PCDHGA3: variants seen among roughly 807,000 people sequenced by gnomAD.
PCDHGA3 encodes protocadherin gamma subfamily A, 3, also known as protocadherin gamma-A3.
Under a neutral mutation model 58.5 loss-of-function variants are expected in PCDHGA3, and 40 were observed. The observed-to-expected ratio is 0.68, with a 90% CI of 0.53 to 0.89. The LOEUF is 0.89. Among genes scored for constraint, PCDHGA3 ranks in the 40% least tolerant of loss-of-function variants. The pLI is 0.00. For synonymous variants in PCDHGA3, 530 were observed against 525.7 expected (o/e 1.01, Z -0.11); for missense variants, 1,223 against 1,195.9 (o/e 1.02, Z -0.33).
intron 1 of PCDHGA3, chr5:141,383,856 T>C (rs1307177086): frequency 6.2e-7 from 1 of 1,613,964 alleles, no homozygotes; most frequent in Admixed American, 1.7e-5. Flanking sequence ...AAATGGAGGT[T>C]CAGGCTCAAG....
chr5:141,382,128 C>T (rs1777984217), intron 1 of PCDHGA3, among the ~76,000 whole-genome samples: 3 of 152,026 alleles, frequency 2.0e-5, no homozygotes. Context: ...GCACCTGGCC[C>T]CCCCTCTCAT....
At position 141,476,786 on chromosome 5, in the gene PCDHGA3, C is replaced by G. The variant is rs2099398607; in HGVS notation, c.2425-18021C>G. 3.1e-6 allele frequency: 5 copies of G among 1,613,444 alleles called. No individual in the cohort carries two copies. The highest frequency in any genetic ancestry group is 1.7e-5 in the Admixed American group (1 of 60,000). ...GGCGTTGGACGGAGGGACCCCAGCTCTCTCCGCCAGCCTGCCTATTCACAT... is the reference window on the plus strand; with the variant it reads ...GGCGTTGGACGGAGGGACCCCAGCTGTCTCCGCCAGCCTGCCTATTCACAT... On this transcript the variant is annotated intron_variant, in intron 1 of 3. Coordinates refer to ENST00000253812, the MANE Select transcript of PCDHGA3 (RefSeq NM_018916.4). The surrounding 1 kb of genome is among the most constrained non-coding windows in gnomAD (Gnocchi z 7.6).
In PCDHGA3 at chr5:141,399,495, T is replaced by G. The variant is rs779594817; in HGVS notation, c.2424+53038T>G. On this transcript the variant is annotated intron_variant, in intron 1 of 3. Transcript: ENST00000253812. ...TCCACCAGGCGTCCTACTTAGTCAGTGTACCCGAAAACAACCCTCCTGGGG... is the reference window on the plus strand; with the variant it reads ...TCCACCAGGCGTCCTACTTAGTCAGGGTACCCGAAAACAACCCTCCTGGGG... 1.1e-5 allele frequency: 18 copies of G among 1,613,916 alleles called. No individual in the cohort carries two copies. Among genetic ancestry groups the G allele is most frequent in the Non-Finnish European group, 1.5e-5 (18 of 1,179,912 alleles).
intron 1 of PCDHGA3, chr5:141,378,091 TC>T (rs1774623141): frequency 6.6e-6 from 1 of 152,230 alleles, no homozygotes; most frequent in African/African-American, 2.4e-5. Flanking sequence ...TAACTTTTTT[TC>T]AAACTCTAAA....
intron 2 of PCDHGA3, among the ~76,000 whole-genome samples, chr5:141,501,223 T>G (rs1247662371): frequency 6.6e-6 from 1 of 151,280 alleles, no homozygotes; most frequent in African/African-American, 2.4e-5. Flanking sequence ...CTTCCTAGAT[T>G]TCTCAGTTTT....
At position 141,485,698 on chromosome 5, in the gene PCDHGA3, T is replaced by C. The variant is rs1175015922; in HGVS notation, c.2425-9109T>C. ...TTAGCAGCTATAGGCTGAGCTCCAA[T>C]GAACACTTTGCACTGGATGTGAAGA... On this transcript the variant is annotated intron_variant, in intron 1 of 3. Transcript: ENST00000253812. This position sits in a 1 kb window ranked among gnomAD's most constrained non-coding sequence, Gnocchi z 5.7. 6.2e-7 allele frequency: 1 copy of C among 1,613,994 alleles called. No homozygotes were observed. The highest frequency in any genetic ancestry group is 8.5e-7 in the Non-Finnish European group (1 of 1,180,002).
chr5:141,494,943 G>A, intron 2 of PCDHGA3, 78 bp downstream of exon 2: 2 of 1,610,326 alleles, frequency 1.2e-6, no homozygotes, highest in Non-Finnish European at 1.7e-6. Flanking sequence ...ATGGGGGAGG[G>A]CCCAGCATTT....
chr5:141,389,560 G>T (rs1323439261), intron 1 of PCDHGA3: 5 of 1,613,224 alleles, frequency 3.1e-6, no homozygotes, highest in Non-Finnish European at 4.2e-6. Flanking sequence ...AATGCGCCAC[G>T]GGTGCTGTAC....
intron 1 of PCDHGA3, among the ~76,000 whole-genome samples, chr5:141,483,322 G>C (rs1325809962): frequency 1.3e-5 from 2 of 152,110 alleles, no homozygotes. Flanking sequence ...TGGGACTGGA[G>C]GCAAAGAGAT....
Position 141,431,794 on chromosome 5 carries a change from A to C in PCDHGA3, c.2425-63013A>C. On this transcript the variant is annotated intron_variant, in intron 1 of 3. Coordinates refer to ENST00000253812, the MANE Select transcript of PCDHGA3 (RefSeq NM_018916.4). The surrounding 1 kb of genome is among the most constrained non-coding windows in gnomAD (Gnocchi z 4.8). ...TTCTGGACGTGAACGACAATGCCCC[A>C]GAAGTGGTCCTCACCTCTCTCGCCA... 1 of 1,614,260 alleles carries C rather than the reference A, an allele frequency of 6.2e-7. No individual in the cohort carries two copies. Among genetic ancestry groups the C allele is most frequent in the Non-Finnish European group, 8.5e-7 (1 of 1,180,046 alleles).
At chr5:141,433,237 A>G in intron 1 of PCDHGA3, 1 of 1,495,940 alleles carries the variant, frequency 6.7e-7, no homozygotes, top group South Asian at 1.3e-5. Flanking sequence ...TCTGTCTCCC[A>G]AGCTGGAATG....
At chr5:141,361,751 C>T (rs1762164495) in intron 1 of PCDHGA3, 2 of 1,613,064 alleles carry the variant, frequency 1.2e-6, no homozygotes, top group African/African-American at 1.3e-5. Flanking sequence ...GACCAGGGCT[C>T]GCCCGCGCTC....
At chr5:141,411,489 T>C (rs1229059443) in intron 1 of PCDHGA3, 1 of 152,090 alleles carries the variant, frequency 6.6e-6, no homozygotes, top group Non-Finnish European at 1.5e-5. Context: ...GAGGCTGAGC[T>C]GGGTGGATTG....
chr5:141,490,605 C>A lies in PCDHGA3; in HGVS notation c.2425-4202C>A. On this transcript the variant is annotated intron_variant, in intron 1 of 3. Transcript: ENST00000253812. The surrounding 1 kb of genome is among the most constrained non-coding windows in gnomAD (Gnocchi z 5.4). ...TCAATGACAATGCACCCCGCTTCAA[C>A]CAGCAGCTTTACACTGCTTACATCC... 6.2e-6 allele frequency: 10 copies of A among 1,614,198 alleles called. No individual in the cohort carries two copies. The highest frequency in any genetic ancestry group is 8.5e-6 in the Non-Finnish European group (10 of 1,180,030).
chr5:141,369,402 C>A (rs1207187527), intron 1 of PCDHGA3, among the ~76,000 whole-genome samples: 2 of 152,072 alleles, frequency 1.3e-5, no homozygotes, highest in Non-Finnish European at 2.9e-5. Flanking sequence ...CAGGGTGGTT[C>A]ATGACTATAA....
intron 1 of PCDHGA3, chr5:141,417,651 A>G (rs2154547111): frequency 1.2e-6 from 1 of 822,038 alleles, no homozygotes; most frequent in Non-Finnish European, 1.8e-6. Flanking sequence ...CTCAGCCTCT[A>G]GCCTGGGATT....
At position 141,356,801 on chromosome 5, in the gene PCDHGA3, C is replaced by G. The variant is rs369350823; in HGVS notation, c.2424+10344C>G. Reference sequence around the variant, plus strand: ...AGAGACCTGCAGCTGCTGATGACAGCCAGTGACAGTGGAGACCCTCCACTC... The same window carrying G: ...AGAGACCTGCAGCTGCTGATGACAGGCAGTGACAGTGGAGACCCTCCACTC... On this transcript the variant is annotated intron_variant, in intron 1 of 3. Coordinates refer to ENST00000253812, the MANE Select transcript of PCDHGA3 (RefSeq NM_018916.4). The G allele has an allele frequency of 5.1e-5, 82 of 1,613,922 alleles. No homozygotes were observed. The highest frequency in any genetic ancestry group is 4.6e-4 in the South Asian group (42 of 91,084).
At chr5:141,445,420 T>C (rs968387442) in intron 1 of PCDHGA3, among the ~76,000 whole-genome samples, 3 of 152,204 alleles carry the variant, frequency 2.0e-5, no homozygotes, top group Admixed American at 6.5e-5. Context: ...GTCTGCTATA[T>C]GCAAGGCACT....
intron 1 of PCDHGA3, chr5:141,374,142 T>C (rs1270815703): frequency 6.2e-7 from 1 of 1,610,314 alleles, no homozygotes; most frequent in South Asian, 1.1e-5. Context: ...CTCACGCTCC[T>C]GGGGACGCTG....
Sources: gnomAD v4.1 joint callset for allele counts (sites outside exome capture counted in the v4.1 genomes callset) on GRCh38, gnomAD v4.1.1 for gene constraint, Gnocchi (gnomAD v3.1) non-coding constraint, MANE v1.5 for transcripts, NCBI Gene and HGNC (gene_info 2026-07-23, HGNC 2026-07-21) for gene names.